The following TAF3 variants were observed in gnomAD, a reference collection of about 807,000 sequenced individuals.
TAF3 encodes the protein transcription initiation factor TFIID subunit 3.
A neutral mutation model predicts 80.6 loss-of-function variants in TAF3; 7 were observed. The observed-to-expected ratio is 0.09, with a 90% CI of 0.05 to 0.16. TAF3 has a LOEUF of 0.16. Ranked by LOEUF, TAF3 falls within the 10% of genes least tolerant of loss-of-function variation. The pLI is 1.00. For missense variants in TAF3, 921 were observed against 1,140.2 expected, an observed-to-expected ratio of 0.81 and a Z score of 2.77; for synonymous variants, 444 against 446.1, an observed-to-expected ratio of 1.00 and a Z score of 0.06.
Position 7,837,904 on chromosome 10 carries a change from G to C in TAF3, c.409+13344G>C, listed in dbSNP as rs527895715. On this transcript the variant is annotated intron_variant, in intron 2 of 6. Coordinates refer to ENST00000344293, the MANE Select transcript of TAF3 (RefSeq NM_031923.4). ...GTAGATTACTTACTGATTTAATAGA[G>C]GAATGTTAATGAAGATATTTGCATG... Among the ~76,000 whole-genome samples the C allele has an allele frequency of 3.3e-5, 5 of 152,258 alleles. No individual in the cohort carries two copies. The East Asian group carries it at 5.8e-4, about 18-fold the overall frequency.
rs1183003932 is a variant in TAF3, at chr10:7,871,753, T to C, written c.409+47193T>C. ...GCCACCGCGCCAGGCCAACGATTGC[T>C]ATTTTGACATGACATTATATGCATG... On this transcript the variant is annotated intron_variant, in intron 2 of 6. Coordinates refer to ENST00000344293, the MANE Select transcript of TAF3 (RefSeq NM_031923.4). 3.3e-5 allele frequency among the ~76,000 whole-genome samples: 5 copies of C among 152,298 alleles called. No individual in the cohort carries two copies. The East Asian group carries it at 7.7e-4, about 23-fold the overall frequency.
intron 4 of TAF3, among the ~76,000 whole-genome samples, chr10:7,979,412 A>C (rs894541359): frequency 5.3e-5 from 8 of 151,816 alleles, no homozygotes; most frequent in Non-Finnish European, 1.2e-4. Flanking sequence ...CCTGCCTTTA[A>C]GCATCTTTCA....
At chr10:7,956,219 G>T (rs1283728168) in intron 2 of TAF3, among the ~76,000 whole-genome samples, 1 of 152,120 alleles carries the variant, frequency 6.6e-6, no homozygotes, top group Non-Finnish European at 1.5e-5. Context: ...GCCGGGCGCG[G>T]TGTCTCACGC....
chr10:7,963,811 TAAAA>T (rs1006780442), intron 2 of TAF3, 105 bp from the exon 3 acceptor site: 33 of 1,172,044 alleles, frequency 2.8e-5, no homozygotes, highest in African/African-American at 4.7e-5. Context: ...AGTATAATAA[TAAAA>T]AAGAAAGAAA....
chr10:7,988,572 C>CATAAAAAA (rs1831800712), intron 4 of TAF3, among the ~76,000 whole-genome samples: 1 of 49,270 alleles, frequency 2.0e-5, no homozygotes, highest in Non-Finnish European at 3.9e-5. Flanking sequence ...GACCCTGTCT[C>CATAAAAAA]AAAAAAAAAA....
intron 2 of TAF3, among the ~76,000 whole-genome samples, chr10:7,912,898 C>T (rs549239486): frequency 3.3e-5 from 5 of 152,060 alleles, no homozygotes; most frequent in Non-Finnish European, 5.9e-5. Flanking sequence ...GGTTTTTTGT[C>T]GGTGTCTGCT....
At position 7,991,783 on chromosome 10, in the gene TAF3, T is replaced by C. The variant is rs138842014; in HGVS notation, c.2315+14460T>C. Among the ~76,000 whole-genome samples, 499 of 152,312 alleles carry C rather than the reference T, an allele frequency of 3.3e-3. 2 individuals are homozygous for C. Among genetic ancestry groups the C allele is most frequent in the African/African-American group, 0.011 (478 of 41,584 alleles). On this transcript the variant is annotated intron_variant, in intron 4 of 6. Transcript: ENST00000344293. ...AAGCATGGTGATTTTGGTGAAGACC[T>C]AGCAGCTTTTTTGAATTTTAATATA...
intron 3 of TAF3, among the ~76,000 whole-genome samples, chr10:7,972,376 C>T (rs1831630084): frequency 6.6e-6 from 1 of 152,158 alleles, no homozygotes; most frequent in Non-Finnish European, 1.5e-5. Context: ...TGAATTTTCT[C>T]AAGTTAAATC....
chr10:7,939,919 A>G (rs1432655268), intron 2 of TAF3, among the ~76,000 whole-genome samples: 2 of 152,234 alleles, frequency 1.3e-5, no homozygotes, highest in African/African-American at 4.8e-5. Flanking sequence ...AAGAAATAAC[A>G]CAAGAAAATT....
chr10:7,969,324 T>C (rs1393228151), intron 3 of TAF3, among the ~76,000 whole-genome samples: 1 of 152,166 alleles, frequency 6.6e-6, no homozygotes, highest in Admixed American at 6.5e-5. Flanking sequence ...AGAGCACTTA[T>C]ATTATCCAAT....
chr10:7,934,086 T>C (rs544607420), intron 2 of TAF3, among the ~76,000 whole-genome samples: 3 of 152,176 alleles, frequency 2.0e-5, no homozygotes, highest in Non-Finnish European at 4.4e-5. Context: ...ATTGATACTG[T>C]GAGGCAAGGC....
At chr10:7,986,211 T>G (rs763787964) in intron 4 of TAF3, among the ~76,000 whole-genome samples, 11 of 152,248 alleles carry the variant, frequency 7.2e-5, no homozygotes, top group Admixed American at 2.0e-4. Flanking sequence ...TCATTTTCTC[T>G]TTAGGTTTGT....
At chr10:7,891,705 T>G (rs1837458487) in intron 2 of TAF3, among the ~76,000 whole-genome samples, 1 of 152,240 alleles carries the variant, frequency 6.6e-6, no homozygotes. Context: ...CTGGCTAGAC[T>G]GAATGTAAAA....
At chr10:8,005,978 T>C (rs1178043064) in intron 4 of TAF3, among the ~76,000 whole-genome samples, 2 of 152,186 alleles carry the variant, frequency 1.3e-5, no homozygotes, top group Non-Finnish European at 2.9e-5. Flanking sequence ...AATCTCTCTG[T>C]GCCTTGGTTT....
chr10:7,977,379 T>C, intron 4 of TAF3, 56 bp downstream of exon 4: 2 of 1,552,552 alleles, frequency 1.3e-6, no homozygotes, highest in South Asian at 1.1e-5. Context: ...CCTTCTCTAC[T>C]CTTTCCTAAG....
intron 3 of TAF3, among the ~76,000 whole-genome samples, chr10:7,970,474 G>A (rs918540439): frequency 3.3e-5 from 5 of 152,198 alleles, no homozygotes; most frequent in African/African-American, 4.8e-5. Flanking sequence ...CTGTCTGCCC[G>A]AGGCCTGTGT....
At chr10:7,929,081 G>A (rs889374838) in intron 2 of TAF3, among the ~76,000 whole-genome samples, 5 of 151,980 alleles carry the variant, frequency 3.3e-5, no homozygotes, top group Non-Finnish European at 7.4e-5. Context: ...TTTTAAGGGA[G>A]GTTTTTGCCT....
chr10:7,827,838 A>G (rs930027142), intron 2 of TAF3, among the ~76,000 whole-genome samples: 5 of 151,556 alleles, frequency 3.3e-5, no homozygotes, highest in African/African-American at 1.2e-4. Context: ...GCACGCTTGT[A>G]GTCCCAGCTA....
At position 7,965,473 on chromosome 10, in the gene TAF3, G is replaced by A. The variant is rs1207699144; in HGVS notation, c.1963G>A (p.Val655Met). The change falls in exon 3 of 7, where the codon GTG becomes ATG. Residue 655 changes from valine to methionine, a missense_variant. Around this residue, in one of 6 missense-constraint regions of TAF3, gnomAD observed 743 missense variants for 821.0 expected, o/e 0.90. Transcript: ENST00000344293. ...DKMKAPAPPL[V>M]LPPKELALPL... ...GATGAAAGCCCCAGCACCCCCACTG[G>A]TGTTGCCCCCAAAAGAGTTGGCCCT... The A allele has an allele frequency of 6.2e-7, 1 of 1,611,544 alleles. No individual in the cohort carries two copies. The highest frequency in any genetic ancestry group is 2.2e-5 in the East Asian group (1 of 44,842).
Sources: gnomAD v4.1 joint callset for allele counts (sites outside exome capture counted in the v4.1 genomes callset) on GRCh38, gnomAD v4.1.1 for gene constraint, gnomAD v4.1.1 regional missense constraint, MANE v1.5 for transcripts, NCBI Gene and HGNC (gene_info 2026-07-23, HGNC 2026-07-21) for gene names.